GALNT13: variants seen among roughly 807,000 people sequenced by gnomAD.
GALNT13 encodes UDP-GalNAc:polypeptide N-acetylgalactosaminyltransferase 13.
A neutral mutation model predicts 64.2 loss-of-function variants in GALNT13; 28 were observed. That is an observed-to-expected ratio of 0.44 (90% CI 0.32 to 0.60). The LOEUF is 0.60. GALNT13 is among the 20% of genes least tolerant of loss of function. The pLI, the probability that GALNT13 is intolerant of heterozygous loss-of-function variation, is 0.05. For synonymous variants in GALNT13, 214 were observed against 224.6 expected, an observed-to-expected ratio of 0.95 and a Z score of 0.42; for missense variants, 577 against 669.8, an observed-to-expected ratio of 0.86 and a Z score of 1.53.
At chr2:153,191,101 A>T in the GALNT13 span, among the ~76,000 whole-genome samples, 1 of 152,038 alleles carries the variant, frequency 6.6e-6, no homozygotes, top group East Asian at 1.9e-4. Context: ...TAAGACTTCC[A>T]GTACTGTATT....
At chr2:153,416,460 A>C in the GALNT13 span, among the ~76,000 whole-genome samples, 2 of 152,180 alleles carry the variant, frequency 1.3e-5, no homozygotes, top group African/African-American at 2.4e-5. Flanking sequence ...CTGCTTACAT[A>C]TTTTCCCACT....
the GALNT13 span, among the ~76,000 whole-genome samples, chr2:153,142,914 G>C: frequency 2.0e-5 from 3 of 151,984 alleles, no homozygotes; most frequent in Admixed American, 1.3e-4. Flanking sequence ...TAATTATGCA[G>C]TTTTGCAGGC....
chr2:153,844,024 G>A, the GALNT13 span, among the ~76,000 whole-genome samples: 1 of 152,148 alleles, frequency 6.6e-6, no homozygotes, highest in Non-Finnish European at 1.5e-5. Flanking sequence ...CCAGGAATAA[G>A]TGCATCCTCC....
chr2:153,652,722 G>T, the GALNT13 span, among the ~76,000 whole-genome samples: 9 of 152,132 alleles, frequency 5.9e-5, no homozygotes, highest in African/African-American at 2.2e-4. Flanking sequence ...TCACCAGTTT[G>T]TCCGAATGTA....
intron 8 of GALNT13, among the ~76,000 whole-genome samples, chr2:154,298,548 AAATTGTATATATAATTTATATAT>A (rs1314614060): frequency 7.7e-4 from 43 of 55,500 alleles, no homozygotes; most frequent in Non-Finnish European, 1.2e-3. Context: ...ATTTATATAT[AAATTGTATATATAATTTATATAT>A]AAATTGTATA....
the GALNT13 span, among the ~76,000 whole-genome samples, chr2:153,605,185 C>T: frequency 6.6e-6 from 1 of 152,100 alleles, no homozygotes; most frequent in African/African-American, 2.4e-5. Flanking sequence ...AGCTTTTTCG[C>T]AGCCTTCTAT....
chr2:153,907,631 C>T (rs1356573434), intron 2 of GALNT13, among the ~76,000 whole-genome samples: 1 of 151,912 alleles, frequency 6.6e-6, no homozygotes, highest in African/African-American at 2.4e-5. Flanking sequence ...ACTTAGCCTC[C>T]ACTTACAAAT....
chr2:154,308,865 C>CT (rs1296901582), intron 9 of GALNT13, among the ~76,000 whole-genome samples: 3 of 152,130 alleles, frequency 2.0e-5, no homozygotes, highest in African/African-American at 4.8e-5. Flanking sequence ...TCATCAACTG[C>CT]TTTTCCTTGC....
At chr2:154,377,025 A>G (rs1698030637) in intron 9 of GALNT13, among the ~76,000 whole-genome samples, 1 of 152,180 alleles carries the variant, frequency 6.6e-6, no homozygotes, top group Non-Finnish European at 1.5e-5. Flanking sequence ...ATATAATACA[A>G]TGTTAGGATC....
chr2:153,609,545 T>A, the GALNT13 span, among the ~76,000 whole-genome samples: 1 of 152,154 alleles, frequency 6.6e-6, no homozygotes, highest in Non-Finnish European at 1.5e-5. Context: ...ATCAGGGCTG[T>A]CCTCACCCAG....
intron 9 of GALNT13, among the ~76,000 whole-genome samples, chr2:154,355,814 G>A (rs187359906): frequency 1.1e-3 from 166 of 151,998 alleles, no homozygotes; most frequent in African/African-American, 3.7e-3. Flanking sequence ...TTCTGAGGTC[G>A]GATTGTTTTT....
chr2:153,585,446 A>G, the GALNT13 span, among the ~76,000 whole-genome samples: 1 of 152,188 alleles, frequency 6.6e-6, no homozygotes, highest in South Asian at 2.1e-4. Context: ...GGTTGAACAC[A>G]CTCATGAATT....
chr2:153,210,396 TG>T, the GALNT13 span, among the ~76,000 whole-genome samples: 2 of 152,206 alleles, frequency 1.3e-5, no homozygotes, highest in Admixed American at 1.3e-4. Flanking sequence ...CTGCATCAAC[TG>T]AGATGACCAT....
At chr2:153,608,815 A>G in the GALNT13 span, among the ~76,000 whole-genome samples, 1 of 147,728 alleles carries the variant, frequency 6.8e-6, no homozygotes, top group Non-Finnish European at 1.5e-5. Flanking sequence ...CATATAATAT[A>G]TACCCTAAAG....
intron 10 of GALNT13, among the ~76,000 whole-genome samples, chr2:154,400,107 G>A (rs1026688505): frequency 3.9e-5 from 6 of 152,078 alleles, no homozygotes; most frequent in Non-Finnish European, 7.4e-5. Flanking sequence ...ATTTAAGATG[G>A]ACATTTTGAT....
At chr2:153,834,034 G>A in the GALNT13 span, among the ~76,000 whole-genome samples, 17 of 152,050 alleles carry the variant, frequency 1.1e-4, no homozygotes, top group East Asian at 3.3e-3. Flanking sequence ...TGTGATTTAG[G>A]CATACTCAAT....
chr2:154,167,148 A>T (rs551754843), intron 4 of GALNT13, among the ~76,000 whole-genome samples: 1 of 152,300 alleles, frequency 6.6e-6, no homozygotes, highest in African/African-American at 2.4e-5. Context: ...AAATAAAATT[A>T]AAAAGAAAAA....
the GALNT13 span, among the ~76,000 whole-genome samples, chr2:153,090,796 GC>G: frequency 6.6e-6 from 1 of 152,016 alleles, no homozygotes; most frequent in Non-Finnish European, 1.5e-5. Flanking sequence ...GCTTGCTGTG[GC>G]TACTGTGGGG....
At chr2:153,405,685 A>G in the GALNT13 span, among the ~76,000 whole-genome samples, 2 of 152,302 alleles carry the variant, frequency 1.3e-5, no homozygotes, top group East Asian at 3.9e-4. Context: ...GTAAGAACAT[A>G]TTAGAATTTC....
Sources: gnomAD v4.1 joint callset for allele counts (sites outside exome capture counted in the v4.1 genomes callset) on GRCh38, gnomAD v4.1.1 for gene constraint, MANE v1.5 for transcripts, NCBI Gene and HGNC (gene_info 2026-07-23, HGNC 2026-07-21) for gene names.